TRMT2B: variants seen among roughly 807,000 people sequenced by gnomAD.
TRMT2B encodes the protein tRNA methyltransferase 2B, also known as tRNA (uracil-5-)-methyltransferase homolog B.
In TRMT2B, 34 loss-of-function variants were observed where a neutral mutation model predicts 39.7. The ratio of observed to expected loss-of-function variants is 0.86; its 90% confidence interval spans 0.65 to 1.14. TRMT2B has a LOEUF of 1.14. TRMT2B is among the 50% of genes most tolerant of loss of function. TRMT2B has a pLI of 0.00. For synonymous variants in TRMT2B, 132 were observed against 137.3 expected (o/e 0.96, Z 0.27); for missense variants, 318 against 377.2 (o/e 0.84, Z 1.30).
At chrX:100,973,441 G>C in the TRMT2B span, among the ~76,000 whole-genome samples, 1 of 107,175 alleles carries the variant, frequency 9.3e-6, no homozygotes, top group Admixed American at 9.8e-5. Flanking sequence ...TCGCCGGCGC[G>C]GCGGCAAAGA....
chrX:101,044,062 T>G (rs2088430939), intron 2 of TRMT2B, among the ~76,000 whole-genome samples: 1 of 109,010 alleles, frequency 9.2e-6, no homozygotes, highest in Admixed American at 9.9e-5. Flanking sequence ...GCCAATATGG[T>G]GAAACCCCGT....
chrX:101,011,084 G>A (rs1337240523), intron 13 of TRMT2B, among the ~76,000 whole-genome samples: 3 of 112,037 alleles, frequency 2.7e-5, no homozygotes. Context: ...AACCAGCAAA[G>A]TAGAAGAGTA....
chrX:101,048,559 C>T (rs1327092839), intron 2 of TRMT2B, among the ~76,000 whole-genome samples: 20 of 112,515 alleles, frequency 1.8e-4, no homozygotes, highest in Non-Finnish European at 3.8e-5. Context: ...CTGCCTCAGC[C>T]TCCCGCGTAG....
the TRMT2B span, chrX:100,990,728 G>A: frequency 1.7e-6 from 1 of 578,306 alleles, no homozygotes; most frequent in Non-Finnish European, 2.7e-6. Flanking sequence ...AACCAAAACT[G>A]AGCCTTAGAA....
chrX:101,015,044 A>T (rs951230496), intron 13 of TRMT2B, among the ~76,000 whole-genome samples: 5 of 111,556 alleles, frequency 4.5e-5, no homozygotes, highest in Admixed American at 9.6e-5. Context: ...CTATTATTTT[A>T]AAAAAATACC....
At chrX:101,005,876 C>T (rs1487468313), downstream of TRMT2B, among the ~76,000 whole-genome samples, 1 of 58,354 alleles carries the variant, frequency 1.7e-5, no homozygotes, top group Non-Finnish European at 3.2e-5. Flanking sequence ...GCAAGATTCC[C>T]ACTCAAAAAA....
the TRMT2B span, chrX:100,990,319 C>A: frequency 7.3e-5 from 65 of 896,038 alleles, no homozygotes; most frequent in Admixed American, 1.3e-4. Flanking sequence ...ACCTTTTTCT[C>A]TTTTTACTTT....
In TRMT2B at chrX:101,052,098, A is replaced by G. The variant is rs895109413; in HGVS notation, c.-788T>C. ...TGACACCCGCCGCCTTCCTTCTCTA[A>G]GTTCTCCTCTCCTCCCCTCCCCGGG... On this transcript the variant is annotated 5_prime_UTR_variant, in exon 1 of 14. Coordinates refer to ENST00000372936, the MANE Select transcript of TRMT2B (RefSeq NM_024917.6). The G allele has an allele frequency of 1.8e-5, 2 of 110,916 alleles. No homozygotes were observed. The highest frequency in any genetic ancestry group is 3.8e-5 in the Non-Finnish European group (2 of 52,876). 9.1% of individuals were successfully genotyped at this position (110,916 alleles called of 1,213,427 possible).
At chrX:100,994,824 G>A in the TRMT2B span, among the ~76,000 whole-genome samples, 7 of 111,109 alleles carry the variant, frequency 6.3e-5, no homozygotes, top group East Asian at 2.8e-4. Context: ...AGATTGTAGC[G>A]CAGTGCCACA....
intron 2 of TRMT2B, among the ~76,000 whole-genome samples, chrX:101,047,103 C>T (rs1001032068): frequency 1.8e-5 from 2 of 108,344 alleles, no homozygotes; most frequent in African/African-American, 6.7e-5. Flanking sequence ...TGGTGGCATG[C>T]GCCTGTAGTC....
the TRMT2B span, among the ~76,000 whole-genome samples, chrX:100,985,450 G>T: frequency 8.9e-6 from 1 of 112,030 alleles, no homozygotes; most frequent in African/African-American, 3.2e-5. Flanking sequence ...GGATGCTTCA[G>T]TGGGATTTCT....
intron 6 of TRMT2B, among the ~76,000 whole-genome samples, chrX:101,036,501 G>GT (rs1401257458): frequency 9.8e-6 from 1 of 102,433 alleles, no homozygotes; most frequent in Non-Finnish European, 2.0e-5. Flanking sequence ...ATAACTGAAA[G>GT]TAAGTTTCAG....
chrX:101,002,174 C>T, the TRMT2B span, among the ~76,000 whole-genome samples: 596 of 111,402 alleles, frequency 5.3e-3, 6 homozygotes, highest in African/African-American at 0.018. Context: ...CTGCATTTCA[C>T]GGGACAGGCC....
the TRMT2B span, among the ~76,000 whole-genome samples, chrX:101,001,623 T>G: frequency 6.4e-5 from 7 of 109,312 alleles, no homozygotes; most frequent in Non-Finnish European, 7.6e-5. Context: ...GCAAGGAAAA[T>G]GTAAAGTGAC....
chrX:101,050,592 C>T (rs745782850), intron 2 of TRMT2B, among the ~76,000 whole-genome samples: 2 of 110,708 alleles, frequency 1.8e-5, no homozygotes, highest in African/African-American at 3.3e-5. Flanking sequence ...GGTGTGGTGG[C>T]GCACGCCTGT....
Position 101,052,049 on chromosome X carries a change from C to T in TRMT2B, c.-739G>A, listed in dbSNP as rs2089131296. The T allele has an allele frequency of 9.0e-6, 1 of 111,192 alleles. No individual in the cohort carries two copies. The highest frequency in any genetic ancestry group is 1.9e-5 in the Non-Finnish European group (1 of 52,963). The allele number at this position is 111,192 out of a possible 1,213,427, so 9.2% of individuals were successfully genotyped here. ...TGCTGGGGGAACCTTCTATGGAGACCTTCCTTAAAAGCACTCATAGCCCTG... is the reference window on the plus strand; with the variant it reads ...TGCTGGGGGAACCTTCTATGGAGACTTTCCTTAAAAGCACTCATAGCCCTG... On this transcript the variant is annotated 5_prime_UTR_variant, in exon 1 of 14. Transcript: ENST00000372936.
At chrX:100,987,674 G>A in the TRMT2B span, 1 of 815,033 alleles carries the variant, frequency 1.2e-6, no homozygotes, top group Non-Finnish European at 1.7e-6. Context: ...CAAGTCTCTT[G>A]ATATCATTGG....
At chrX:101,022,491 C>T (rs775366726) in intron 8 of TRMT2B, among the ~76,000 whole-genome samples, 3 of 110,736 alleles carry the variant, frequency 2.7e-5, no homozygotes, top group Admixed American at 9.7e-5. Flanking sequence ...CGTGCTGGCA[C>T]GTGCCTGTAA....
chrX:101,022,263 A>C (rs746357164), intron 8 of TRMT2B, among the ~76,000 whole-genome samples: 27 of 111,615 alleles, frequency 2.4e-4, no homozygotes, highest in Middle Eastern at 4.6e-3. Flanking sequence ...CTGAGGTAGG[A>C]GGACTGCTTG....
Sources: allele counts gnomAD v4.1 joint callset (sites outside exome capture counted in the v4.1 genomes callset), GRCh38; gene constraint gnomAD v4.1.1; transcripts MANE v1.5; gene names NCBI Gene and HGNC (gene_info 2026-07-23, HGNC 2026-07-21).